The following SLC25A23 variants were observed in gnomAD, a reference collection of about 807,000 sequenced individuals.
SLC25A23 encodes solute carrier family 25 member 23.
In SLC25A23, 32 loss-of-function variants were observed where a neutral mutation model predicts 53.9. The ratio of observed to expected loss-of-function variants is 0.59; its 90% CI spans 0.45 to 0.80. The LOEUF is 0.80. Ranked by LOEUF, SLC25A23 falls within the 30% of genes least tolerant of loss-of-function variation. The pLI is 0.00. For synonymous variants in SLC25A23, 275 were observed against 264.5 expected (o/e 1.04, Z -0.38); for missense variants, 575 against 651.4 (o/e 0.88, Z 1.28).
Position 6,446,735 on chromosome 19 carries a change from C to T in SLC25A23, c.1072-2434G>A, listed in dbSNP as rs188640358. Among the ~76,000 whole-genome samples the T allele has an allele frequency of 1.5e-3, 227 of 152,244 alleles. 2 individuals are homozygous for T. The highest frequency in any genetic ancestry group is 5.2e-3 in the African/African-American group (216 of 41,544). On this transcript the variant is annotated intron_variant, in intron 8 of 9. Transcript: ENST00000301454. ...TAACTTGCTTGATAACATACTGTTA[C>T]GGGTTGAATCATGTCCCTCCTTTGG...
In SLC25A23 at chr19:6,459,733, C is replaced by A. The variant is rs2092736764; in HGVS notation, c.-105G>T. 5.1e-6 allele frequency: 5 copies of A among 981,066 alleles called. No homozygotes were observed. The highest frequency in any genetic ancestry group is 6.5e-6 in the Non-Finnish European group (5 of 769,806). The allele number at this position is 981,066 out of a possible 1,614,324, so 60.8% of individuals were successfully genotyped here. A position where few individuals can be genotyped will look rare whatever the true frequency, so the allele number is the denominator to read the frequency against. The stretch of plus-strand genomic sequence containing the variant: ...ACCCCGCAGGGTCAGCTCCCGCGGC[C>A]GCCGGCTCCGCAGCCTCCGCGCAGT... On this transcript the variant is annotated 5_prime_UTR_variant, in exon 1 of 10. Transcript: ENST00000301454. This position sits in a 1 kb window ranked among gnomAD's most constrained non-coding sequence, Gnocchi z 4.6.
In SLC25A23 at chr19:6,453,989, G is replaced by A; in HGVS notation, c.895C>T (p.Pro299Ser). 6.2e-7 allele frequency: 1 copy of A among 1,612,656 alleles called. No individual in the cohort carries two copies. The highest frequency in any genetic ancestry group is 8.5e-7 in the Non-Finnish European group (1 of 1,179,612). The change falls in exon 7 of 10, where the codon CCT becomes TCT. Residue 299 changes from proline (P) to serine (S), a missense_variant. Transcript: ENST00000301454. ...GGGTCCCTCCTTCTCACCTCCATAGGGTAAATGATGGTTTGGGCTGTGGCA... is the reference window on the plus strand; with the variant it reads ...GGGTCCCTCCTTCTCACCTCCATAGAGTAAATGATGGTTTGGGCTGTGGCA... ...AGATAQTIIY[P>S]MEVLKTRLTL...
rs1190329916 is a variant in SLC25A23 at position 6,459,696 on chromosome 19, T to TC, written c.-69dup. The TC allele has an allele frequency of 4.1e-4, 475 of 1,156,264 alleles. No homozygotes were observed. Among genetic ancestry groups the TC allele is most frequent in the South Asian group, 5.7e-4 (16 of 28,196 alleles). The allele number at this position is 1,156,264 out of a possible 1,614,324, so 71.6% of individuals were successfully genotyped here. A position where few individuals can be genotyped will look rare whatever the true frequency, so the allele number is the denominator to read the frequency against. On this transcript the variant is annotated 5_prime_UTR_variant, in exon 1 of 10. Transcript: ENST00000301454. The surrounding 1 kb of genome is among the most constrained non-coding windows in gnomAD (Gnocchi z 4.6). ...TCAGTGGGGGCTTCGCGGCTCCCCC[T>TC]CCCCCCCCGGGACCCCGCAGGGTCA... is the stretch of plus-strand genomic sequence containing the variant.
chr19:6,447,978 C>T (rs1247658083), intron 8 of SLC25A23, among the ~76,000 whole-genome samples: 3 of 152,092 alleles, frequency 2.0e-5, no homozygotes, highest in Non-Finnish European at 4.4e-5. Context: ...GCCCTATTAT[C>T]TCTATTTTAT....
chr19:6,437,902 T>C (rs1391705058), downstream of SLC25A23, among the ~76,000 whole-genome samples: 1 of 117,792 alleles, frequency 8.5e-6, no homozygotes, highest in African/African-American at 3.3e-5. Flanking sequence ...CCATCTCTAC[T>C]AAAAATACAA....
chr19:6,453,612 T>C (rs1214984639), intron 7 of SLC25A23, among the ~76,000 whole-genome samples: 1 of 152,144 alleles, frequency 6.6e-6, no homozygotes, highest in Non-Finnish European at 1.5e-5. Context: ...TGAAATAATT[T>C]ATCTGAAAAC....
At position 6,454,219 on chromosome 19, in the gene SLC25A23, G is replaced by C; in HGVS notation, c.795+104C>G. 6.6e-7 allele frequency: 1 copy of C among 1,516,362 alleles called. No homozygotes were observed. The highest frequency in any genetic ancestry group is 8.9e-7 in the Non-Finnish European group (1 of 1,119,030). The allele number at this position is 1,516,362 out of a possible 1,614,324, so 93.9% of individuals were successfully genotyped here. A position where few individuals can be genotyped will look rare whatever the true frequency, so the allele number is the denominator to read the frequency against. On this transcript the variant is annotated intron_variant, in intron 6 of 9. Transcript: ENST00000301454. This position sits in a 1 kb window ranked among gnomAD's most constrained non-coding sequence, Gnocchi z 4.3. ...TGCAGAGGAGCAGATGCCTGATCCT[G>C]GGGACCTGTGTTCACCACCCACCCC...
rs1045340659 is a variant in SLC25A23 at position 6,454,225 on chromosome 19, C to G, written c.795+98G>C. The G allele has an allele frequency of 2.6e-6, 4 of 1,529,052 alleles. No homozygotes were observed. Among genetic ancestry groups the G allele is most frequent in the African/African-American group, 1.4e-5 (1 of 72,904 alleles). 94.7% of individuals were successfully genotyped at this position (1,529,052 alleles called of 1,614,324 possible). Reference sequence around the variant, plus strand: ...GGAGCAGATGCCTGATCCTGGGGACCTGTGTTCACCACCCACCCCCAAGCC... The same window carrying G: ...GGAGCAGATGCCTGATCCTGGGGACGTGTGTTCACCACCCACCCCCAAGCC... On this transcript the variant is annotated intron_variant, in intron 6 of 9. Transcript: ENST00000301454. This position sits in a 1 kb window ranked among gnomAD's most constrained non-coding sequence, Gnocchi z 4.3.
At position 6,440,616 on chromosome 19, in the gene SLC25A23, G is replaced by A. The variant is rs2092407323; in HGVS notation, c.*1359C>T. On this transcript the variant is annotated 3_prime_UTR_variant, in exon 10 of 10. Transcript: ENST00000301454. ...AGGGGGATGGAAGATGCTGTGAAGT[G>A]TGGGGATGCAGGGAGTGGAGTGGTT... 1 of 151,842 alleles carries A rather than the reference G, an allele frequency of 6.6e-6. No individual in the cohort carries two copies. The highest frequency in any genetic ancestry group is 2.1e-4 in the South Asian group (1 of 4,808). 9.4% of individuals were successfully genotyped at this position (151,842 alleles called of 1,614,324 possible). A position where few individuals can be genotyped will look rare whatever the true frequency, so the allele number is the denominator to read the frequency against.
chr19:6,443,877 G>A (rs2092463439), intron 9 of SLC25A23, among the ~76,000 whole-genome samples: 1 of 152,150 alleles, frequency 6.6e-6, no homozygotes, highest in Non-Finnish European at 1.5e-5. Flanking sequence ...AAGAGTTCAA[G>A]TTACCAGCCT....
Position 6,452,482 on chromosome 19 carries a change from G to A in SLC25A23, c.904-3C>T. The A allele has an allele frequency of 6.3e-7, 1 of 1,596,524 alleles. No individual in the cohort carries two copies. The highest frequency in any genetic ancestry group is 1.7e-4 in the Middle Eastern group (1 of 6,016). On this transcript the variant is annotated splice_region_variant and splice_polypyrimidine_tract_variant and intron_variant, in intron 7 of 9. Transcript: ENST00000301454. ...AAGGTCAGCCGCGTCTTCAGCACCT[G>A]GGGAGAACCTGGTTATCCCTGGAAA...
chr19:6,439,180 A>T (rs565632841), downstream of SLC25A23, among the ~76,000 whole-genome samples: 1 of 152,158 alleles, frequency 6.6e-6, no homozygotes, highest in South Asian at 2.1e-4. Context: ...AGATCGCACC[A>T]CTGCACTCCA....
intron 7 of SLC25A23, among the ~76,000 whole-genome samples, chr19:6,452,866 G>A (rs1004146761): frequency 6.6e-6 from 1 of 152,094 alleles, no homozygotes; most frequent in Non-Finnish European, 1.5e-5. Flanking sequence ...CCAGTATCTT[G>A]TTCCCTTCTG....
chr19:6,447,729 G>A (rs1490186665), intron 8 of SLC25A23, among the ~76,000 whole-genome samples: 6 of 152,038 alleles, frequency 3.9e-5, no homozygotes, highest in South Asian at 2.1e-4. Flanking sequence ...GGAGTGCAGC[G>A]GCACAATCTC....
chr19:6,441,949 G>T lies in SLC25A23; in HGVS notation c.*26C>A, dbSNP rs757748707. 6.8e-6 allele frequency: 11 copies of T among 1,609,474 alleles called. No individual in the cohort carries two copies. Among genetic ancestry groups the T allele is most frequent in the Non-Finnish European group, 8.5e-6 (10 of 1,177,438 alleles). On this transcript the variant is annotated 3_prime_UTR_variant, in exon 10 of 10. Transcript: ENST00000301454. ...AGTGGCTGAGGTGTGGGGGGTGAGG[G>T]ATTGGGGGGACGGGCTCCGGGTCCC...
chr19:6,452,108 A>C (rs757804203), intron 8 of SLC25A23, among the ~76,000 whole-genome samples: 2 of 152,038 alleles, frequency 1.3e-5, no homozygotes, highest in Non-Finnish European at 2.9e-5. Flanking sequence ...CTGAGCTGCT[A>C]ATCAAAAGTA....
chr19:6,444,633 A>G (rs914725347), intron 8 of SLC25A23, among the ~76,000 whole-genome samples: 1 of 152,144 alleles, frequency 6.6e-6, no homozygotes. Context: ...TGAGTGGCCC[A>G]ATGCCATCAC....
chr19:6,445,817 CG>C (rs1568365036), intron 8 of SLC25A23, among the ~76,000 whole-genome samples: 3 of 151,674 alleles, frequency 2.0e-5, no homozygotes, highest in African/African-American at 7.3e-5. Context: ...TTTGGGAGGC[CG>C]AGGCAAGAGG....
Position 6,441,997 on chromosome 19 carries a change from G to T in SLC25A23, c.1385C>A (p.Ala462Asp). ...SYVVYENMKQ[A>D]LGVTSR ...CCCTCACCTGGACGTGACCCCCAAG[G>T]CCTGCTTCATGTTCTCGTAGACCAC... is the stretch of plus-strand genomic sequence containing the variant. The change falls in exon 10 of 10, where the codon GCC (alanine) becomes GAC (aspartate). Residue 462 changes from alanine (A) to aspartate (D), a missense_variant. Transcript: ENST00000301454. The T allele has an allele frequency of 6.2e-7, 1 of 1,613,854 alleles. No homozygotes were observed. Among genetic ancestry groups the T allele is most frequent in the Non-Finnish European group, 8.5e-7 (1 of 1,179,914 alleles).
Sources: allele counts gnomAD v4.1 joint callset (sites outside exome capture counted in the v4.1 genomes callset), GRCh38; gene constraint gnomAD v4.1.1; non-coding constraint Gnocchi (gnomAD v3.1); transcripts MANE v1.5; gene names NCBI Gene and HGNC (gene_info 2026-07-23, HGNC 2026-07-21).